RICTOR: variants seen among roughly 807,000 people sequenced by gnomAD.
The protein encoded by RICTOR is rapamycin-insensitive companion of mTOR.
Under a neutral mutation model 214.9 loss-of-function variants are expected in RICTOR, and 49 were observed. The ratio of observed to expected loss-of-function variants is 0.23; its 90% CI spans 0.18 to 0.29. The LOEUF (loss-of-function observed/expected upper bound fraction) is 0.29. Among genes scored for constraint, RICTOR ranks in the 10% least tolerant of loss-of-function variants. RICTOR has a pLI of 1.00. For synonymous variants in RICTOR, 717 were observed against 711.3 expected (o/e 1.01, Z -0.13); for missense variants, 1,625 against 2,047.0 (o/e 0.79, Z 3.98).
chr5:39,047,154 C>T (rs1757551437), intron 2 of RICTOR, among the ~76,000 whole-genome samples: 1 of 152,156 alleles, frequency 6.6e-6, no homozygotes, highest in South Asian at 2.1e-4. Context: ...AAGTAGTCAT[C>T]AAGTATCACT....
chr5:39,071,609 G>T (rs1759328843), intron 2 of RICTOR, among the ~76,000 whole-genome samples: 1 of 152,112 alleles, frequency 6.6e-6, no homozygotes, highest in Admixed American at 6.6e-5. Flanking sequence ...GGTAAAGCAA[G>T]GTCAAATAAC....
chr5:39,073,245 GT>G (rs1274479693), intron 2 of RICTOR, among the ~76,000 whole-genome samples: 1 of 152,218 alleles, frequency 6.6e-6, no homozygotes, highest in East Asian at 1.9e-4. Flanking sequence ...GTCGGAATCA[GT>G]AGGCTCAATC....
intron 2 of RICTOR, among the ~76,000 whole-genome samples, chr5:39,050,654 A>T (rs143100111): frequency 6.6e-6 from 1 of 152,258 alleles, no homozygotes; most frequent in South Asian, 2.1e-4. Context: ...ACTTACTGTT[A>T]ATTTACTCAG....
At chr5:39,041,344 G>C (rs1259274711) in intron 2 of RICTOR, among the ~76,000 whole-genome samples, 1 of 152,106 alleles carries the variant, frequency 6.6e-6, no homozygotes, top group Non-Finnish European at 1.5e-5. Flanking sequence ...AATGAAAATG[G>C]AGCTAGATTC....
intron 3 of RICTOR, among the ~76,000 whole-genome samples, chr5:39,020,373 A>G (rs1313304392): frequency 6.6e-6 from 1 of 152,174 alleles, no homozygotes; most frequent in Admixed American, 6.5e-5. Flanking sequence ...TGTCTTATTT[A>G]AAGAAATCGC....
intron 36 of RICTOR, 197 bp from the exon 37 acceptor site, chr5:38,943,168 A>T (rs73751813): frequency 1.2e-3 from 330 of 269,684 alleles, no homozygotes; most frequent in Middle Eastern, 6.3e-3. Context: ...GTTTTTTTTT[A>T]AAAAAAATGA....
Position 38,964,829 on chromosome 5 carries a change from T to C in RICTOR, c.1363A>G (p.Met455Val), listed in dbSNP as rs1052841440. 6.2e-7 allele frequency: 1 copy of C among 1,607,460 alleles called. No homozygotes were observed. Among genetic ancestry groups the C allele is most frequent in the African/African-American group, 1.3e-5 (1 of 74,788 alleles). ...TTGGGGATATCAAAGGATGCAGCCA[T>C]ATTCATTAGGGTTGGCAAGCAGTGT... Reference protein sequence around the residue: ...HLHCLPTLMNMAASFDIPKEK... With the variant: ...HLHCLPTLMNVAASFDIPKEK... Residue 455 changes from methionine to valine, a missense_variant, in exon 16 of 38, where the codon ATG becomes GTG. Met to Val is a conservative substitution (Grantham distance 21). Around this residue, in one of 5 missense-constraint regions of RICTOR, gnomAD observed 1,214 missense variants for 1,470.5 expected, o/e 0.83. Coordinates refer to ENST00000357387, the MANE Select transcript of RICTOR (RefSeq NM_152756.5).
chr5:38,984,876 G>A (rs1752034385), intron 7 of RICTOR, among the ~76,000 whole-genome samples: 1 of 152,172 alleles, frequency 6.6e-6, no homozygotes, highest in African/African-American at 2.4e-5. Context: ...CTGGAGTGCA[G>A]TGGCGAGATC....
intron 31 of RICTOR, 104 bp downstream of exon 31, chr5:38,949,608 G>A (rs1229593747): frequency 4.5e-6 from 5 of 1,104,526 alleles, no homozygotes; most frequent in Non-Finnish European, 6.6e-6. Flanking sequence ...ATTATAATAG[G>A]TCAGTGATGA....
At chr5:39,033,150 T>C (rs1170500763) in intron 2 of RICTOR, among the ~76,000 whole-genome samples, 1 of 152,200 alleles carries the variant, frequency 6.6e-6, no homozygotes, top group Non-Finnish European at 1.5e-5. Flanking sequence ...TCGCCTTAAG[T>C]GTAAACTTCA....
At chr5:38,975,356 T>A (rs13168867) in intron 10 of RICTOR, among the ~76,000 whole-genome samples, 181 bp downstream of exon 10, 1 of 151,968 alleles carries the variant, frequency 6.6e-6, no homozygotes. Context: ...TCCTATTGAC[T>A]ATTACAAATT....
intron 31 of RICTOR, among the ~76,000 whole-genome samples, 188 bp from the exon 32 acceptor site, chr5:38,947,629 AG>A (rs1748351772): frequency 6.6e-6 from 1 of 152,160 alleles, no homozygotes; most frequent in Non-Finnish European, 1.5e-5. Context: ...GCTATGTAAA[AG>A]GTCACCAGTA....
At chr5:39,002,402 A>G (rs55742561) in intron 5 of RICTOR, 133 bp downstream of exon 5, 31,509 of 273,676 alleles carry the variant, frequency 0.12, 592 homozygotes, top group African/African-American at 0.18. Context: ...GTGTGTGTGT[A>G]TATATATATA....
At chr5:39,029,101 G>A (rs143291873) in intron 2 of RICTOR, among the ~76,000 whole-genome samples, 34 of 152,068 alleles carry the variant, frequency 2.2e-4, no homozygotes, top group Non-Finnish European at 4.1e-4. Flanking sequence ...GTAACCAATT[G>A]GAAACAGGCA....
At chr5:38,996,041 TTTG>T (rs927582247) in intron 6 of RICTOR, among the ~76,000 whole-genome samples, 2 of 152,148 alleles carry the variant, frequency 1.3e-5, no homozygotes, top group Admixed American at 1.3e-4. Context: ...AGTACACCAT[TTTG>T]GAACCTGTGT....
In RICTOR at chr5:39,023,445, T is replaced by C. The variant is rs182366086; in HGVS notation, c.98-2309A>G. Reference sequence around the variant, plus strand: ...AGTAATGAAACAAATGCTTTAAAAATATGCTTCACAAAAACAAGCCATGGG... The same window carrying C: ...AGTAATGAAACAAATGCTTTAAAAACATGCTTCACAAAAACAAGCCATGGG... On this transcript the variant is annotated intron_variant, in intron 2 of 37. Coordinates refer to ENST00000357387, the MANE Select transcript of RICTOR (RefSeq NM_152756.5). 2.6e-5 allele frequency among the ~76,000 whole-genome samples: 4 copies of C among 152,252 alleles called. No homozygotes were observed. In the East Asian group the frequency reaches 7.7e-4, roughly 29 times the overall value.
intron 2 of RICTOR, among the ~76,000 whole-genome samples, chr5:39,049,698 G>A (rs1166494820): frequency 1.4e-5 from 2 of 140,750 alleles, no homozygotes; most frequent in Admixed American, 7.0e-5. Flanking sequence ...GGGAGGGAGG[G>A]AGCGCAGTCC....
At chr5:39,031,451 T>C (rs1756265933) in intron 2 of RICTOR, among the ~76,000 whole-genome samples, 1 of 152,178 alleles carries the variant, frequency 6.6e-6, no homozygotes, top group Non-Finnish European at 1.5e-5. Context: ...TTAAATTCTA[T>C]CAACCACAGC....
rs915934283 is a variant in RICTOR, at chr5:38,998,024, T to G, written c.393-1142A>C. On this transcript the variant is annotated intron_variant, in intron 5 of 37. Transcript: ENST00000357387. ...AGAAACAAAGGAACAGAGTATAGAT[T>G]TCAGCAGAAACACAATACTCTAAGA... Among the ~76,000 whole-genome samples the G allele has an allele frequency of 4.6e-5, 7 of 152,310 alleles. No individual in the cohort carries two copies. In the East Asian group the frequency reaches 7.7e-4, roughly 17 times the overall value.
Sources: gnomAD v4.1 joint callset for allele counts (sites outside exome capture counted in the v4.1 genomes callset) on GRCh38, gnomAD v4.1.1 for gene constraint, gnomAD v4.1.1 regional missense constraint, MANE v1.5 for transcripts, NCBI Gene and HGNC (gene_info 2026-07-23, HGNC 2026-07-21) for gene names.